The following TYK2 variants were observed in gnomAD, a reference collection of about 807,000 sequenced individuals.
TYK2 encodes the protein tyrosine kinase 2, also known as non-receptor tyrosine-protein kinase TYK2.
A neutral mutation model predicts 130.9 loss-of-function variants in TYK2; 65 were observed. The observed-to-expected ratio is 0.50, with a 90% CI of 0.41 to 0.61. The LOEUF (loss-of-function observed/expected upper bound fraction) is 0.61, where lower values mean the gene tolerates loss of function less well. TYK2 is among the 20% of genes least tolerant of loss of function. The pLI, the probability that TYK2 is intolerant of heterozygous loss-of-function variation, is 0.00. For missense variants in TYK2, 1,378 were observed against 1,610.7 expected (o/e 0.86, Z 2.47); for synonymous variants, 647 against 658.9 (o/e 0.98, Z 0.28).
In TYK2 at chr19:10,374,183, G is replaced by A. The variant is rs530951594; in HGVS notation, c.193+4031C>T. Among the ~76,000 whole-genome samples the A allele has an allele frequency of 1.3e-4, 19 of 150,572 alleles. No individual in the cohort carries two copies. The South Asian group carries it at 3.8e-3, about 30-fold the overall frequency. On this transcript the variant is annotated intron_variant, in intron 3 of 24. Coordinates refer to ENST00000525621, the MANE Select transcript of TYK2 (RefSeq NM_003331.5). ...CGGGAGGCTGAGGCAGGAGAATGGC[G>A]TGAACCCGGAAGGCGGAGCTTGCAG... is the stretch of plus-strand genomic sequence containing the variant.
At position 10,353,780 on chromosome 19, in the gene TYK2, G is replaced by T; in HGVS notation, c.2909-134C>A. 2.8e-6 allele frequency: 2 copies of T among 713,066 alleles called. No individual in the cohort carries two copies. Among genetic ancestry groups the T allele is most frequent in the South Asian group, 3.8e-5 (2 of 52,598 alleles). 44.2% of individuals were successfully genotyped at this position (713,066 alleles called of 1,614,324 possible). On this transcript the variant is annotated intron_variant, in intron 20 of 24. Transcript: ENST00000525621. This position sits in a 1 kb window ranked among gnomAD's most constrained non-coding sequence, Gnocchi z 6.9. ...CCGCGCACACTAGACCCAGTTCTCA[G>T]GTGGGATGGACCCATCCAGAACCCC...
At chr19:10,355,655 G>GA (rs2041060289) in intron 18 of TYK2, among the ~76,000 whole-genome samples, 1 of 122,878 alleles carries the variant, frequency 8.1e-6, no homozygotes, top group Admixed American at 8.5e-5. Context: ...AAAAAAAAAA[G>GA]AAAGAAAGAA....
chr19:10,368,697 A>T (rs1269532445), intron 3 of TYK2: 2 of 444,344 alleles, frequency 4.5e-6, no homozygotes, highest in Admixed American at 6.9e-5. Context: ...CCAAGCCTGG[A>T]AATAAATTCT....
In TYK2 at chr19:10,354,191, T is replaced by C. The variant is rs755488436; in HGVS notation, c.2759A>G (p.Asn920Ser). ...CGCCACCATCTCGCCAGTGCCGTCG[T>C]TGGTCGGATCGTAGCAGTACAAGCT... Reference protein sequence around the residue: ...KVSLYCYDPTNDGTGEMVAVK... With the variant: ...KVSLYCYDPTSDGTGEMVAVK... Residue 920 changes from asparagine to serine, a missense_variant, in exon 20 of 25, where the codon AAC becomes AGC. By Grantham distance (46) the Asn-to-Ser change is conservative (BLOSUM62 1). Transcript: ENST00000525621. 1.8e-5 allele frequency: 29 copies of C among 1,613,658 alleles called. No homozygotes were observed. In the South Asian group the frequency reaches 2.1e-4, roughly 12 times the overall value.
chr19:10,372,469 T>G (rs904649660), intron 3 of TYK2, among the ~76,000 whole-genome samples: 2 of 61,088 alleles, frequency 3.3e-5, no homozygotes, highest in Non-Finnish European at 6.0e-5. Flanking sequence ...TATATATATA[T>G]ATATATATAT....
Position 10,362,068 on chromosome 19 carries a change from C to G in TYK2, c.1773+10G>C, listed in dbSNP as rs376905742. Reference sequence around the variant, plus strand: ...CCTGCCCTTGCCCCGGGCCCCTTCCCTGCACCCACCTGGGTGATCTCCTTC... The same window carrying G: ...CCTGCCCTTGCCCCGGGCCCCTTCCGTGCACCCACCTGGGTGATCTCCTTC... On this transcript the variant is annotated intron_variant, in intron 12 of 24. Transcript: ENST00000525621. The G allele has an allele frequency of 6.0e-5, 97 of 1,613,898 alleles. No individual in the cohort carries two copies. Among genetic ancestry groups the G allele is most frequent in the Admixed American group, 1.8e-4 (11 of 59,994 alleles).
Position 10,354,052 on chromosome 19 carries a change from G to A in TYK2, c.2898C>T (p.Cys966=). 2 of 1,614,038 alleles carry A rather than the reference G, an allele frequency of 1.2e-6. No homozygotes were observed. Among genetic ancestry groups the A allele is most frequent in the Non-Finnish European group, 8.5e-7 (1 of 1,180,014 alleles). The change falls in exon 20 of 25, where the codon TGC becomes TGT. Residue 966 remains cysteine, a synonymous_variant. Coordinates refer to ENST00000525621, the MANE Select transcript of TYK2 (RefSeq NM_003331.5). ...CCGGGTCCCGCCCACCTTGGTCCTCGCAGCAGCCCTTGTACTTGATGATGT... is the reference window on the plus strand; with the variant it reads ...CCGGGTCCCGCCCACCTTGGTCCTCACAGCAGCCCTTGTACTTGATGATGT... ...HEHIIKYKGC[C]EDQGEKSLQL...
intron 3 of TYK2, among the ~76,000 whole-genome samples, chr19:10,371,843 T>C (rs2041917601): frequency 6.6e-6 from 1 of 152,136 alleles, no homozygotes; most frequent in African/African-American, 2.4e-5. Flanking sequence ...TGAGGGACTT[T>C]GCAATGGTCT....
At chr19:10,357,199 A>C (rs765533541) in intron 17 of TYK2, 16 of 424,706 alleles carry the variant, frequency 3.8e-5, no homozygotes, top group Non-Finnish European at 6.5e-5. Context: ...GACCAGCCTG[A>C]CCAATATAAT....
Position 10,378,374 on chromosome 19 carries a change from G to T in TYK2, c.33C>A (p.Gly11=). 1 of 1,611,962 alleles carries T rather than the reference G, an allele frequency of 6.2e-7. No individual in the cohort carries two copies. The change falls in exon 3 of 25, where the codon GGC becomes GGA. Residue 11 remains glycine (G), a synonymous_variant. Coordinates refer to ENST00000525621, the MANE Select transcript of TYK2 (RefSeq NM_003331.5). MPLRHWGMAR[G]SKPVGDGAQP... is the part of the protein sequence containing the mutation. Reference sequence around the variant, plus strand: ...GGGCTCCATCCCCAACGGGCTTACTGCCCCTGGCCATCCCCCAGTGGCGCA... The same window carrying T: ...GGGCTCCATCCCCAACGGGCTTACTTCCCCTGGCCATCCCCCAGTGGCGCA...
chr19:10,373,416 G>A (rs1442330354), intron 3 of TYK2, among the ~76,000 whole-genome samples: 1 of 151,876 alleles, frequency 6.6e-6, no homozygotes, highest in African/African-American at 2.4e-5. Context: ...TCGGCTCACT[G>A]CAACTCCGCC....
chr19:10,363,943 CAA>C (rs1173054468), intron 9 of TYK2, among the ~76,000 whole-genome samples: 2 of 152,308 alleles, frequency 1.3e-5, no homozygotes, highest in African/African-American at 4.8e-5. Context: ...AGTGACCAGA[CAA>C]AGAGACAGTC....
Position 10,364,300 on chromosome 19 carries a change from CAGG to C in TYK2, c.1367+311_1367+313del, listed in dbSNP as rs2145236989. ...CCGAGGCGGGTGGATCACCTGAGGT[CAGG>C]AGTTCAAGACTAGGTTGGCCAATCT... On this transcript the variant is annotated intron_variant, in intron 9 of 24. Coordinates refer to ENST00000525621, the MANE Select transcript of TYK2 (RefSeq NM_003331.5). The surrounding 1 kb of genome is among the most constrained non-coding windows in gnomAD (Gnocchi z 4.9). 6.6e-6 allele frequency among the ~76,000 whole-genome samples: 1 copy of C among 152,202 alleles called. No individual in the cohort carries two copies. Among genetic ancestry groups the C allele is most frequent in the East Asian group, 1.9e-4 (1 of 5,176 alleles).
In TYK2 at chr19:10,365,881, G is replaced by A. The variant is rs1258866138; in HGVS notation, c.647C>T (p.Pro216Leu). The A allele has an allele frequency of 4.3e-6, 7 of 1,610,584 alleles. No homozygotes were observed. Among genetic ancestry groups the A allele is most frequent in the Non-Finnish European group, 5.9e-6 (7 of 1,178,830 alleles). ...AKKTSFKDCI[P>L]RSFRRHIRQH... is the part of the protein sequence containing the mutation. ...CCGGATATGCCGGCGGAAGGAGCGCGGGATGCAGTCCTTGAAGCTGGGGGG... is the reference window on the plus strand; with the variant it reads ...CCGGATATGCCGGCGGAAGGAGCGCAGGATGCAGTCCTTGAAGCTGGGGGG... Residue 216 changes from proline (P) to leucine (L), a missense_variant, in exon 7 of 25, where the codon CCG becomes CTG. By Grantham distance (98) the Pro-to-Leu change is moderately conservative. Coordinates refer to ENST00000525621, the MANE Select transcript of TYK2 (RefSeq NM_003331.5).
Position 10,352,553 on chromosome 19 carries a change from T to C in TYK2, c.3201-2A>G. 1.3e-5 allele frequency: 15 copies of C among 1,136,538 alleles called. No homozygotes were observed. The highest frequency in any genetic ancestry group is 3.5e-5 in the East Asian group (1 of 28,784). The allele number at this position is 1,136,538 out of a possible 1,614,324, so 70.4% of individuals were successfully genotyped here. A position where few individuals can be genotyped will look rare whatever the true frequency, so the allele number is the denominator to read the frequency against. On this transcript the variant is annotated splice_acceptor_variant, in intron 22 of 24. Transcript: ENST00000525621. LOFTEE classifies it high-confidence loss of function. ...TCCTTCAGGCACTCTGGGGCATACC[T>C]AGGGGGAGGGGGGCACTCAGGCCAC...
intron 15 of TYK2, 23 bp from the exon 16 acceptor site, chr19:10,358,161 T>C: frequency 6.3e-7 from 1 of 1,592,854 alleles, no homozygotes; most frequent in Non-Finnish European, 8.5e-7. Flanking sequence ...GGAGAGGGGG[T>C]GTGGCCACTC....
At chr19:10,368,274 T>A in intron 4 of TYK2, 21 bp downstream of exon 4, 1 of 1,614,120 alleles carries the variant, frequency 6.2e-7, no homozygotes, top group Non-Finnish European at 8.5e-7. Flanking sequence ...GGGGACGAGC[T>A]TTGCAAAGGT....
At chr19:10,366,328 C>A in intron 6 of TYK2, 89 bp downstream of exon 6, 3 of 1,382,316 alleles carry the variant, frequency 2.2e-6, no homozygotes, top group South Asian at 1.4e-5. Context: ...AAAGTAGAGG[C>A]ACGGCAATAT....
chr19:10,373,899 C>T (rs1177333324), intron 3 of TYK2, among the ~76,000 whole-genome samples: 4 of 152,162 alleles, frequency 2.6e-5, no homozygotes, highest in Admixed American at 1.3e-4. Flanking sequence ...TCAAGCTCTC[C>T]GGGCCTCCAT....
Sources: gnomAD v4.1 joint callset for allele counts (sites outside exome capture counted in the v4.1 genomes callset) on GRCh38, gnomAD v4.1.1 for gene constraint, Gnocchi (gnomAD v3.1) non-coding constraint, MANE v1.5 for transcripts, NCBI Gene and HGNC (gene_info 2026-07-23, HGNC 2026-07-21) for gene names.